Variants in NDFIP2 observed in about 807,000 individuals in gnomAD.
NDFIP2 encodes the protein NEDD4 family-interacting protein 2.
In NDFIP2, 19 loss-of-function variants were observed where a neutral mutation model predicts 36.0. The ratio of observed to expected loss-of-function variants is 0.53; its 90% CI spans 0.37 to 0.77. NDFIP2 has a LOEUF of 0.77. Among genes scored for constraint, NDFIP2 ranks in the 30% least tolerant of loss-of-function variants. The pLI is 0.00. For missense variants in NDFIP2, 446 were observed against 435.8 expected (o/e 1.02, Z -0.21); for synonymous variants, 181 against 167.7 (o/e 1.08, Z -0.61).
At chr13:79,533,027 A>G (rs1875077321) in intron 2 of NDFIP2, among the ~76,000 whole-genome samples, 2 of 152,192 alleles carry the variant, frequency 1.3e-5, no homozygotes, top group Non-Finnish European at 2.9e-5. Context: ...CTCATATATT[A>G]TGAGATTCTT....
rs1876065847 is a variant in NDFIP2 at position 79,555,205 on chromosome 13, A to G, written c.*2692A>G. 1 of 149,682 alleles carries G rather than the reference A, an allele frequency of 6.7e-6. No individual in the cohort carries two copies. The highest frequency in any genetic ancestry group is 2.5e-5 in the African/African-American group (1 of 40,632). The allele number at this position is 149,682 out of a possible 1,614,324, so 9.3% of individuals were successfully genotyped here. On this transcript the variant is annotated 3_prime_UTR_variant, in exon 8 of 8. Transcript: ENST00000218652. ...GGAGTTCAAAATATCCAATTGGAGA[A>G]AAATTCAGAGTTCCTTCATTAAATA...
chr13:79,545,158 A>G (rs1312510515), intron 5 of NDFIP2, among the ~76,000 whole-genome samples: 1 of 152,138 alleles, frequency 6.6e-6, no homozygotes, highest in Non-Finnish European at 1.5e-5. Context: ...TTCAAATGGG[A>G]TTTCTCATCT....
At chr13:79,545,964 G>T (rs140293747) in intron 5 of NDFIP2, among the ~76,000 whole-genome samples, 13 of 152,140 alleles carry the variant, frequency 8.5e-5, no homozygotes, top group Non-Finnish European at 1.6e-4. Flanking sequence ...TCAAGCTCAG[G>T]CAATCTGCCT....
At chr13:79,494,238 T>A (rs958755710) in intron 1 of NDFIP2, among the ~76,000 whole-genome samples, 1 of 151,980 alleles carries the variant, frequency 6.6e-6, no homozygotes, top group African/African-American at 2.4e-5. Flanking sequence ...AGTTTCCTCA[T>A]CCCTCATCTG....
chr13:79,551,155 T>C (rs756101450), intron 7 of NDFIP2, 33 bp downstream of exon 7: 37 of 1,346,608 alleles, frequency 2.7e-5, no homozygotes, highest in Non-Finnish European at 3.6e-5. Flanking sequence ...CTCTGCCTAT[T>C]CCCTTTATGT....
Position 79,481,274 on chromosome 13 carries a change from C to A in NDFIP2, c.71C>A (p.Pro24Gln). ...ATGCTCAATAGCGCGCGCGGCGCCCCGGAGCTTCTCCGCGGAACCGCGACC... is the reference window on the plus strand; with the variant it reads ...ATGCTCAATAGCGCGCGCGGCGCCCAGGAGCTTCTCCGCGGAACCGCGACC... ...PSMLNSARGA[P>Q]ELLRGTATNA... Residue 24 changes from proline to glutamine, a missense_variant, in exon 1 of 8, where the codon CCG (proline) becomes CAG (glutamine). By Grantham distance (76) the Pro-to-Gln change is moderately conservative. This residue lies in a region of NDFIP2 where 369 missense variants were observed against 304.8 expected (regional missense o/e 1.21). Coordinates refer to ENST00000218652, the MANE Select transcript of NDFIP2 (RefSeq NM_019080.3). 1.3e-6 allele frequency: 2 copies of A among 1,537,434 alleles called. No homozygotes were observed. Among genetic ancestry groups the A allele is most frequent in the South Asian group, 2.4e-5 (2 of 83,962 alleles).
intron 1 of NDFIP2, among the ~76,000 whole-genome samples, chr13:79,493,889 A>T (rs1371120698): frequency 6.6e-6 from 1 of 151,932 alleles, no homozygotes; most frequent in African/African-American, 2.4e-5. Flanking sequence ...CCATCATATT[A>T]AAAAAAATCA....
At chr13:79,505,238 A>G (rs1269312231) in intron 1 of NDFIP2, among the ~76,000 whole-genome samples, 7 of 152,168 alleles carry the variant, frequency 4.6e-5, no homozygotes, top group Admixed American at 2.0e-4. Context: ...AAAGGTTGCT[A>G]GAGTCCTTTA....
chr13:79,544,751 G>T (rs955202100), intron 5 of NDFIP2, among the ~76,000 whole-genome samples: 2 of 151,990 alleles, frequency 1.3e-5, no homozygotes, highest in Admixed American at 1.3e-4. Context: ...TTATGAAGTT[G>T]ATTTAAAAGT....
intron 1 of NDFIP2, among the ~76,000 whole-genome samples, chr13:79,512,361 A>G (rs1371934389): frequency 1.3e-5 from 2 of 152,202 alleles, no homozygotes; most frequent in East Asian, 1.9e-4. Flanking sequence ...TAAAAAATGC[A>G]TCGAAGCAGC....
chr13:79,539,857 A>G, intron 4 of NDFIP2, 82 bp downstream of exon 4: 1 of 1,120,204 alleles, frequency 8.9e-7, no homozygotes, highest in Non-Finnish European at 1.3e-6. Flanking sequence ...GAAGAGAAGC[A>G]AATATTGTTA....
chr13:79,520,880 A>G lies in NDFIP2; in HGVS notation c.392A>G (p.Gln131Arg). 6.2e-7 allele frequency: 1 copy of G among 1,613,960 alleles called. No homozygotes were observed. Among genetic ancestry groups the G allele is most frequent in the Non-Finnish European group, 8.5e-7 (1 of 1,179,856 alleles). ...CCACCTACTTCAAACCCAGCACCGCAGATTGTGCAGGCTGCGTCTTCAGCA... is the reference window on the plus strand; with the variant it reads ...CCACCTACTTCAAACCCAGCACCGCGGATTGTGCAGGCTGCGTCTTCAGCA... The part of the protein sequence containing the change: ...EQPPTSNPAP[Q>R]IVQAASSAPA... The change falls in exon 2 of 8, where the codon CAG (glutamine) becomes CGG (arginine). Residue 131 changes from glutamine (Q) to arginine (R), a missense_variant. Coordinates refer to ENST00000218652, the MANE Select transcript of NDFIP2 (RefSeq NM_019080.3).
intron 2 of NDFIP2, among the ~76,000 whole-genome samples, chr13:79,528,299 T>C (rs1874878524): frequency 6.6e-6 from 1 of 151,916 alleles, no homozygotes; most frequent in African/African-American, 2.4e-5. Flanking sequence ...AAAAAGATTG[T>C]GGAATAAGGA....
intron 1 of NDFIP2, among the ~76,000 whole-genome samples, chr13:79,507,728 TA>T (rs1873923222): frequency 6.6e-6 from 1 of 152,058 alleles, no homozygotes; most frequent in Non-Finnish European, 1.5e-5. Context: ...ATTTAAATAT[TA>T]AAACTATGAA....
chr13:79,513,493 A>G (rs1344342986), intron 1 of NDFIP2, among the ~76,000 whole-genome samples: 1 of 152,236 alleles, frequency 6.6e-6, no homozygotes, highest in Non-Finnish European at 1.5e-5. Context: ...ACATCATCCC[A>G]TGATGAAACA....
chr13:79,543,789 C>T, intron 5 of NDFIP2, 107 bp downstream of exon 5: 1 of 1,375,934 alleles, frequency 7.3e-7, no homozygotes, highest in East Asian at 2.3e-5. Context: ...TCAGTTATTT[C>T]AAGGCTTATT....
chr13:79,505,130 G>C (rs1036382501), intron 1 of NDFIP2, among the ~76,000 whole-genome samples: 8 of 152,216 alleles, frequency 5.3e-5, no homozygotes, highest in African/African-American at 1.9e-4. Context: ...TGGGGCATCA[G>C]TGGGAGAAAA....
chr13:79,504,356 C>T (rs1053928823), intron 1 of NDFIP2, among the ~76,000 whole-genome samples: 5 of 151,940 alleles, frequency 3.3e-5, no homozygotes, highest in Non-Finnish European at 5.9e-5. Flanking sequence ...TATATAAGTA[C>T]ATTTTTTCTT....
rs1405642882 is a variant in NDFIP2, at chr13:79,554,136, G to T, written c.*1623G>T. 4 of 151,496 alleles carry T rather than the reference G, an allele frequency of 2.6e-5. 1 individual carries two copies. The South Asian group carries it at 8.3e-4, about 31-fold the overall frequency. The allele number at this position is 151,496 out of a possible 1,614,324, so 9.4% of individuals were successfully genotyped here. A position where few individuals can be genotyped will look rare whatever the true frequency, so the allele number is the denominator to read the frequency against. On this transcript the variant is annotated 3_prime_UTR_variant, in exon 8 of 8. Transcript: ENST00000218652. Reference sequence around the variant, plus strand: ...CTCATTCAGTTTACTTTCCTGCGTAGAATTTTTATTGTTATATTAAAATTT... The same window carrying T: ...CTCATTCAGTTTACTTTCCTGCGTATAATTTTTATTGTTATATTAAAATTT...
Sources: allele counts gnomAD v4.1 joint callset (sites outside exome capture counted in the v4.1 genomes callset), GRCh38; gene constraint gnomAD v4.1.1; regional missense constraint gnomAD v4.1.1; transcripts MANE v1.5; gene names NCBI Gene and HGNC (gene_info 2026-07-23, HGNC 2026-07-21).